Variants in BMPER observed in about 807,000 individuals in gnomAD.
The protein encoded by BMPER is BMP-binding endothelial regulator protein.
BMPER carries 45 observed loss-of-function variants against 87.3 expected under a neutral mutation model. The observed-to-expected ratio is 0.52, with a 90% CI of 0.41 to 0.66. BMPER has a LOEUF of 0.66. Ranked by LOEUF, BMPER falls within the 30% of genes least tolerant of loss-of-function variation. The pLI is 0.00. For synonymous variants in BMPER, 326 were observed against 316.2 expected (o/e 1.03, Z -0.33); for missense variants, 784 against 867.5 (o/e 0.90, Z 1.21).
At chr7:34,146,943 C>CTCTAAATGTGTTGTGA (rs1400044718) in intron 14 of BMPER, among the ~76,000 whole-genome samples, 1 of 152,208 alleles carries the variant, frequency 6.6e-6, no homozygotes, top group African/African-American at 2.4e-5. Context: ...TACCTTCTGA[C>CTCTAAATGTGTTGTGA]TCTAAATGTG....
intron 13 of BMPER, among the ~76,000 whole-genome samples, chr7:34,108,841 T>G (rs1369123611): frequency 6.6e-6 from 1 of 152,212 alleles, no homozygotes; most frequent in Non-Finnish European, 1.5e-5. Context: ...CCTTGAATAT[T>G]ACATAGGTCT....
chr7:34,011,563 C>A (rs1786875294), intron 6 of BMPER, among the ~76,000 whole-genome samples: 1 of 114,986 alleles, frequency 8.7e-6, no homozygotes. Flanking sequence ...TAGGCCTTTG[C>A]TGCTTTCAGT....
chr7:33,912,805 AGACCT>A (rs1783994778), intron 2 of BMPER, among the ~76,000 whole-genome samples: 5 of 152,238 alleles, frequency 3.3e-5, no homozygotes, highest in Admixed American at 2.6e-4. Flanking sequence ...GTATATTTTA[AGACCT>A]GTTGATTCCC....
intron 6 of BMPER, among the ~76,000 whole-genome samples, chr7:33,989,389 T>C (rs1318393920): frequency 6.6e-6 from 1 of 152,056 alleles, no homozygotes; most frequent in African/African-American, 2.4e-5. Flanking sequence ...TTTTTTCATG[T>C]GTTTTTTGGC....
chr7:33,945,425 T>A (rs1208240894), intron 3 of BMPER, among the ~76,000 whole-genome samples: 2 of 151,802 alleles, frequency 1.3e-5, no homozygotes, highest in African/African-American at 2.4e-5. Context: ...AATTTTTTTG[T>A]ATTTTTAGTA....
At chr7:33,967,891 A>C (rs1194235840) in intron 4 of BMPER, among the ~76,000 whole-genome samples, 2 of 152,184 alleles carry the variant, frequency 1.3e-5, no homozygotes, top group Non-Finnish European at 2.9e-5. Context: ...AAGTTCCTTA[A>C]GTTGCATGGA....
chr7:33,983,563 C>T lies in BMPER; in HGVS notation c.576+8779C>T, dbSNP rs147243540. On this transcript the variant is annotated intron_variant, in intron 6 of 14. Coordinates refer to ENST00000649409, the MANE Select transcript of BMPER (RefSeq NM_001365308.1). ...ATTGTTCTGCAACCTAGGAGGTCTTCGCTTCTTTTTTGTTTAAAAACAAAC... is the reference window on the plus strand; with the variant it reads ...ATTGTTCTGCAACCTAGGAGGTCTTTGCTTCTTTTTTGTTTAAAAACAAAC... Among the ~76,000 whole-genome samples, 5 of 152,226 alleles carry T rather than the reference C, an allele frequency of 3.3e-5. No individual in the cohort carries two copies. The East Asian group carries it at 5.8e-4, about 18-fold the overall frequency.
intron 10 of BMPER, among the ~76,000 whole-genome samples, chr7:34,061,704 T>C (rs1200030938): frequency 6.6e-6 from 1 of 152,234 alleles, no homozygotes; most frequent in Non-Finnish European, 1.5e-5. Flanking sequence ...GAGTCCAGAC[T>C]GTCTTCATCT....
At chr7:33,925,173 G>C (rs576929115) in intron 2 of BMPER, among the ~76,000 whole-genome samples, 1 of 152,262 alleles carries the variant, frequency 6.6e-6, no homozygotes, top group East Asian at 1.9e-4. Context: ...ACAATGCTGG[G>C]CTTATTCAGT....
chr7:34,028,201 A>G (rs1787408462), intron 6 of BMPER, among the ~76,000 whole-genome samples: 1 of 152,096 alleles, frequency 6.6e-6, no homozygotes, highest in Non-Finnish European at 1.5e-5. Context: ...GAATGAAACA[A>G]ATAGGAAAAT....
intron 6 of BMPER, among the ~76,000 whole-genome samples, chr7:34,012,171 G>A (rs1421908369): frequency 6.6e-6 from 1 of 151,896 alleles, no homozygotes; most frequent in African/African-American, 2.4e-5. Context: ...AAGCTAAAAA[G>A]ATAGCAGAGG....
chr7:34,152,976 C>T (rs565243097), intron 14 of BMPER, 116 bp from the exon 15 acceptor site: 1 of 1,191,862 alleles, frequency 8.4e-7, no homozygotes, highest in Admixed American at 1.7e-5. Flanking sequence ...CAAATGTGAT[C>T]CTGAGCTATG....
chr7:34,014,054 C>T (rs1056454792), intron 6 of BMPER, among the ~76,000 whole-genome samples: 1 of 151,936 alleles, frequency 6.6e-6, no homozygotes, highest in South Asian at 2.1e-4. Flanking sequence ...TAAGGACCCT[C>T]TCTGTAATTG....
At chr7:34,000,454 G>A (rs1020801208) in intron 6 of BMPER, among the ~76,000 whole-genome samples, 3 of 152,034 alleles carry the variant, frequency 2.0e-5, no homozygotes, top group Non-Finnish European at 4.4e-5. Context: ...ATTTCCTAGT[G>A]TGTATTATGT....
intron 13 of BMPER, among the ~76,000 whole-genome samples, chr7:34,109,663 G>T (rs1322747056): frequency 6.6e-6 from 1 of 152,222 alleles, no homozygotes; most frequent in African/African-American, 2.4e-5. Flanking sequence ...GTGGGTACCA[G>T]TTAGGCTCTG....
chr7:33,998,371 T>A (rs1786477109), intron 6 of BMPER, among the ~76,000 whole-genome samples: 1 of 152,228 alleles, frequency 6.6e-6, no homozygotes, highest in African/African-American at 2.4e-5. Flanking sequence ...CCAGGTCAGC[T>A]AGACTTCGGT....
chr7:34,019,648 T>C (rs1393643701), intron 6 of BMPER, among the ~76,000 whole-genome samples: 1 of 151,984 alleles, frequency 6.6e-6, no homozygotes, highest in Non-Finnish European at 1.5e-5. Flanking sequence ...TACTTATTCA[T>C]TTTGCAAATA....
chr7:34,137,233 T>G, intron 13 of BMPER, among the ~76,000 whole-genome samples: 1 of 152,116 alleles, frequency 6.6e-6, no homozygotes, highest in Non-Finnish European at 1.5e-5. Flanking sequence ...AGGAGTGCAA[T>G]AAGTTCAAAA....
At chr7:34,070,050 A>G (rs1450821937) in intron 11 of BMPER, among the ~76,000 whole-genome samples, 1 of 152,150 alleles carries the variant, frequency 6.6e-6, no homozygotes, top group Non-Finnish European at 1.5e-5. Flanking sequence ...GTAAACCCAC[A>G]GCTCCACTTT....
Sources: gnomAD v4.1 joint callset for allele counts (sites outside exome capture counted in the v4.1 genomes callset) on GRCh38, gnomAD v4.1.1 for gene constraint, MANE v1.5 for transcripts, NCBI Gene and HGNC (gene_info 2026-07-23, HGNC 2026-07-21) for gene names.